Variants in USP21 observed in about 807,000 individuals in gnomAD.
The protein encoded by USP21 is ubiquitin specific peptidase 21.
A neutral mutation model predicts 70.8 loss-of-function variants in USP21; 37 were observed. The ratio of observed to expected loss-of-function variants is 0.52; its 90% CI spans 0.40 to 0.69. The LOEUF (loss-of-function observed/expected upper bound fraction) is 0.69, where lower values mean the gene tolerates loss of function less well. Ranked by LOEUF, USP21 falls within the 30% of genes least tolerant of loss-of-function variation. USP21 has a pLI of 0.00. For synonymous variants in USP21, 263 were observed against 283.1 expected, an observed-to-expected ratio of 0.93 and a Z score of 0.71; for missense variants, 584 against 740.8, an observed-to-expected ratio of 0.79 and a Z score of 2.46.
Position 161,164,852 on chromosome 1 carries a change from G to T in USP21, c.1402G>T (p.Ala468Ser), listed in dbSNP as rs1231585601. The change falls in exon 12 of 14, where the codon GCC (alanine) becomes TCC (serine). Residue 468 changes from alanine (A) to serine (S), a missense_variant. By Grantham distance (99) the Ala-to-Ser change is moderately conservative. This residue lies in a region of USP21 where 173 missense variants were observed against 268.2 expected (regional missense o/e 0.65). Coordinates refer to ENST00000368002, the MANE Select transcript of USP21 (RefSeq NM_001014443.3). The surrounding 1 kb of genome is among the most constrained non-coding windows in gnomAD (Gnocchi z 4.2). Reference protein sequence around the residue: ...ILVLHLNRFSASRGSIKKSSV... With the variant: ...ILVLHLNRFSSSRGSIKKSSV... ...GGGCTTAGATCTGAATCGATTTTCT[G>T]CCTCCCGAGGCTCCATCAAAAAAAG... is the stretch of plus-strand genomic sequence containing the variant. 5.6e-6 allele frequency: 9 copies of T among 1,613,670 alleles called. No individual in the cohort carries two copies. The Admixed American group carries it at 1.5e-4, about 27-fold the overall frequency.
At position 161,163,806 on chromosome 1, in the gene USP21, G is replaced by C. The variant is rs565690916; in HGVS notation, c.1115-72G>C. On this transcript the variant is annotated intron_variant, in intron 8 of 13. Coordinates refer to ENST00000368002, the MANE Select transcript of USP21 (RefSeq NM_001014443.3). Reference sequence around the variant, plus strand: ...AGGGTCAAGCAAAGGGGCAGGAAGAGATGGAAATCCAAGAAATCATCTCAT... The same window carrying C: ...AGGGTCAAGCAAAGGGGCAGGAAGACATGGAAATCCAAGAAATCATCTCAT... 5.2e-5 allele frequency: 77 copies of C among 1,474,114 alleles called. No individual in the cohort carries two copies. In the South Asian group the frequency reaches 8.3e-4, roughly 16 times the overall value. The allele number at this position is 1,474,114 out of a possible 1,614,324, so 91.3% of individuals were successfully genotyped here.
In USP21 at chr1:161,162,468, T is replaced by C. The variant is rs1658002999; in HGVS notation, c.781+78T>C. The C allele has an allele frequency of 3.2e-6, 5 of 1,563,244 alleles. No individual in the cohort carries two copies. Among genetic ancestry groups the C allele is most frequent in the Non-Finnish European group, 4.3e-6 (5 of 1,150,196 alleles). ...TTGCAGGTCCATCTGCCACTGGTGG[T>C]GGCCCCCAACCCTTAAATCTGGCAG... is the stretch of plus-strand genomic sequence containing the variant. On this transcript the variant is annotated intron_variant, in intron 5 of 13. Coordinates refer to ENST00000368002, the MANE Select transcript of USP21 (RefSeq NM_001014443.3). The surrounding 1 kb of genome is among the most constrained non-coding windows in gnomAD (Gnocchi z 4.1).
chr1:161,163,632 G>A lies in USP21; in HGVS notation c.1114+13G>A. 3.2e-6 allele frequency: 5 copies of A among 1,547,108 alleles called. No individual in the cohort carries two copies. Among genetic ancestry groups the A allele is most frequent in the Non-Finnish European group, 3.5e-6 (4 of 1,140,146 alleles). ...AGCAAGATTGTGGGTATGGAATGGG[G>A]CAAAGCAATGAGGGAAAATTAGTGT... On this transcript the variant is annotated intron_variant, in intron 8 of 13. Coordinates refer to ENST00000368002, the MANE Select transcript of USP21 (RefSeq NM_001014443.3).
Position 161,164,562 on chromosome 1 carries a change from G to C in USP21, c.1334G>C (p.Arg445Pro), listed in dbSNP as rs761061289. Residue 445 changes from arginine (R) to proline (P), a missense_variant, in exon 11 of 14, where the codon CGA (arginine) becomes CCA (proline). This residue lies in a region of USP21 where 173 missense variants were observed against 268.2 expected (regional missense o/e 0.65). Coordinates refer to ENST00000368002, the MANE Select transcript of USP21 (RefSeq NM_001014443.3). This position sits in a 1 kb window ranked among gnomAD's most constrained non-coding sequence, Gnocchi z 4.2. ...TGTGACCGATGTCGGCAGAAAACTCGAAGTACCAAAAAGTTGACAGTACAA... is the reference window on the plus strand; with the variant it reads ...TGTGACCGATGTCGGCAGAAAACTCCAAGTACCAAAAAGTTGACAGTACAA... ...PVCDRCRQKT[R>P]STKKLTVQRF... 3 of 1,614,022 alleles carry C rather than the reference G, an allele frequency of 1.9e-6. No homozygotes were observed. Among genetic ancestry groups the C allele is most frequent in the African/African-American group, 2.7e-5 (2 of 74,910 alleles).
At chr1:161,163,353 C>T (rs918716423) in intron 7 of USP21, among the ~76,000 whole-genome samples, 1 of 152,184 alleles carries the variant, frequency 6.6e-6, no homozygotes. Context: ...CCCTTATGTA[C>T]ATTCCTTTCT....
At position 161,162,171 on chromosome 1, in the gene USP21, G is replaced by A. The variant is rs1378554564; in HGVS notation, c.660+74G>A. On this transcript the variant is annotated intron_variant, in intron 4 of 13. Transcript: ENST00000368002. This position sits in a 1 kb window ranked among gnomAD's most constrained non-coding sequence, Gnocchi z 4.1. Reference sequence around the variant, plus strand: ...TGCTGGGGGTGGGGAAAACCCACGAGCTTGGGGAAGGCATGTGGAAGGAGA... The same window carrying A: ...TGCTGGGGGTGGGGAAAACCCACGAACTTGGGGAAGGCATGTGGAAGGAGA... 6.2e-7 allele frequency: 1 copy of A among 1,613,100 alleles called. No homozygotes were observed.
In USP21 at chr1:161,162,864, A is replaced by G; in HGVS notation, c.894-55A>G. 6.3e-7 allele frequency: 1 copy of G among 1,595,888 alleles called. No homozygotes were observed. Among genetic ancestry groups the G allele is most frequent in the African/African-American group, 1.3e-5 (1 of 74,640 alleles). ...GGGGACCAATATCTGGGCAGGGAAT[A>G]GTGTCTGTGGACTAGGAGAGGAGTC... On this transcript the variant is annotated intron_variant, in intron 6 of 13. Transcript: ENST00000368002. This position sits in a 1 kb window ranked among gnomAD's most constrained non-coding sequence, Gnocchi z 4.1.
In USP21 at chr1:161,165,575, C is replaced by T. The variant is rs1658638684; in HGVS notation, c.*128C>T. ...AGGGGGGAGGGGGTGGTTGTAGCTC[C>T]ATTATTTTTTTTATTAAAAAATACC... On this transcript the variant is annotated 3_prime_UTR_variant, in exon 14 of 14. Transcript: ENST00000368002. The T allele has an allele frequency of 1.6e-6, 1 of 627,234 alleles. No individual in the cohort carries two copies. Among genetic ancestry groups the T allele is most frequent in the Non-Finnish European group, 2.8e-6 (1 of 363,106 alleles). The allele number at this position is 627,234 out of a possible 1,614,324, so 38.9% of individuals were successfully genotyped here.
At position 161,162,615 on chromosome 1, in the gene USP21, C is replaced by G. The variant is rs896779149; in HGVS notation, c.782C>G (p.Ala261Gly). The stretch of plus-strand genomic sequence containing the variant: ...GCCTTCCCCACTCCCATCCCAACAG[C>G]CTTTGCAGATGTGATTGGTGCCCTC... ...GGGRAQELTE[A>G]FADVIGALWH... The change falls in exon 6 of 14, where the codon GCC (alanine) becomes GGC (glycine). Residue 261 changes from alanine to glycine, a missense_variant and splice_region_variant. This residue lies in a region of USP21 where 87 missense variants were observed against 162.4 expected (regional missense o/e 0.54). Transcript: ENST00000368002. This position sits in a 1 kb window ranked among gnomAD's most constrained non-coding sequence, Gnocchi z 4.1. 1.9e-6 allele frequency: 3 copies of G among 1,610,610 alleles called. No homozygotes were observed. The highest frequency in any genetic ancestry group is 1.7e-6 in the Non-Finnish European group (2 of 1,176,898).
At position 161,161,710 on chromosome 1, in the gene USP21, A is replaced by G. The variant is rs568881535; in HGVS notation, c.601-328A>G. 1.0e-4 allele frequency: 46 copies of G among 447,662 alleles called. No homozygotes were observed. Among genetic ancestry groups the G allele is most frequent in the African/African-American group, 9.0e-4 (46 of 50,928 alleles). 27.7% of individuals were successfully genotyped at this position (447,662 alleles called of 1,614,324 possible). On this transcript the variant is annotated intron_variant, in intron 3 of 13. Transcript: ENST00000368002. The surrounding 1 kb of genome is among the most constrained non-coding windows in gnomAD (Gnocchi z 4.2). ...GGGGGCAGGAGGGGGTTTTGGGGGC[A>G]GAAAGGTGGGAGTGGTGAGCAGCTG...
chr1:161,161,032 G>T lies in USP21; in HGVS notation c.392G>T (p.Gly131Val). Residue 131 changes from glycine to valine, a missense_variant, in exon 3 of 14, where the codon GGC becomes GTC. Physicochemically the swap from Gly to Val is moderately radical, Grantham distance 109. Transcript: ENST00000368002. The surrounding 1 kb of genome is among the most constrained non-coding windows in gnomAD (Gnocchi z 4.2). ...PMGIALGGHR[G>V]TGELGAALSR... The stretch of plus-strand genomic sequence containing the variant: ...GGGATTGCCTTGGGAGGGCACCGTG[G>T]CACCGGAGAGCTTGGGGCTGCACTG... 1 of 1,614,214 alleles carries T rather than the reference G, an allele frequency of 6.2e-7. No individual in the cohort carries two copies. The highest frequency in any genetic ancestry group is 2.2e-5 in the East Asian group (1 of 44,874).
chr1:161,164,867 A>G lies in USP21; in HGVS notation c.1417A>G (p.Ile473Val), dbSNP rs765296944. 1.9e-6 allele frequency: 3 copies of G among 1,613,926 alleles called. No homozygotes were observed. In the African/African-American group the frequency reaches 4.0e-5, roughly 22 times the overall value. ...LNRFSASRGS[I>V]KKSSVGVDFP... ...TCGATTTTCTGCCTCCCGAGGCTCCATCAAAAAAAGTTCAGTAGGTGTAGA... is the reference window on the plus strand; with the variant it reads ...TCGATTTTCTGCCTCCCGAGGCTCCGTCAAAAAAAGTTCAGTAGGTGTAGA... Residue 473 changes from isoleucine to valine, a missense_variant, in exon 12 of 14, where the codon ATC becomes GTC. By Grantham distance (29) the Ile-to-Val change is conservative. Transcript: ENST00000368002. This position sits in a 1 kb window ranked among gnomAD's most constrained non-coding sequence, Gnocchi z 4.2.
chr1:161,161,714 A>G lies in USP21; in HGVS notation c.601-324A>G. 1 of 453,314 alleles carries G rather than the reference A, an allele frequency of 2.2e-6. No homozygotes were observed. The highest frequency in any genetic ancestry group is 4.0e-6 in the Non-Finnish European group (1 of 249,788). 28.1% of individuals were successfully genotyped at this position (453,314 alleles called of 1,614,324 possible). On this transcript the variant is annotated intron_variant, in intron 3 of 13. Transcript: ENST00000368002. This position sits in a 1 kb window ranked among gnomAD's most constrained non-coding sequence, Gnocchi z 4.2. Reference sequence around the variant, plus strand: ...GCAGGAGGGGGTTTTGGGGGCAGAAAGGTGGGAGTGGTGAGCAGCTGGGCA... The same window carrying G: ...GCAGGAGGGGGTTTTGGGGGCAGAAGGGTGGGAGTGGTGAGCAGCTGGGCA...
Position 161,160,418 on chromosome 1 carries a change from G to A in USP21, c.-110G>A, listed in dbSNP as rs745638742. Reference sequence around the variant, plus strand: ...TAGATCTGGTTCCTGCCCTCAGTGCGTATACTGCTCCCCACTTTCGTTGAT... The same window carrying A: ...TAGATCTGGTTCCTGCCCTCAGTGCATATACTGCTCCCCACTTTCGTTGAT... On this transcript the variant is annotated 5_prime_UTR_variant, in exon 2 of 14. Coordinates refer to ENST00000368002, the MANE Select transcript of USP21 (RefSeq NM_001014443.3). 6.4e-6 allele frequency: 4 copies of A among 625,446 alleles called. No individual in the cohort carries two copies. The highest frequency in any genetic ancestry group is 2.9e-5 in the Admixed American group (1 of 35,062). The allele number at this position is 625,446 out of a possible 1,614,324, so 38.7% of individuals were successfully genotyped here.
In USP21 at chr1:161,161,209, C is replaced by A. The variant is rs377456378; in HGVS notation, c.569C>A (p.Ser190Tyr). The stretch of plus-strand genomic sequence containing the variant: ...TCCTTCCACATGATATCCGCCCGGT[C>A]CTCTGAGCCTTTCTACTCTGATGAC... ...HGSFHMISAR[S>Y]SEPFYSDDKM... Residue 190 changes from serine to tyrosine, a missense_variant, in exon 3 of 14, where the codon TCC becomes TAC. By Grantham distance (144) the Ser-to-Tyr change is moderately radical. Around this residue, in one of 4 missense-constraint regions of USP21, gnomAD observed 284 missense variants for 281.0 expected, o/e 1.01. Transcript: ENST00000368002. The surrounding 1 kb of genome is among the most constrained non-coding windows in gnomAD (Gnocchi z 4.2). 3 of 1,609,020 alleles carry A rather than the reference C, an allele frequency of 1.9e-6. No individual in the cohort carries two copies. In the African/African-American group the frequency reaches 4.0e-5, roughly 21 times the overall value.
chr1:161,164,405 C>T lies in USP21; in HGVS notation c.1306-129C>T. 1 of 1,348,888 alleles carries T rather than the reference C, an allele frequency of 7.4e-7. No homozygotes were observed. Among genetic ancestry groups the T allele is most frequent in the Non-Finnish European group, 1.0e-6 (1 of 953,390 alleles). 83.6% of individuals were successfully genotyped at this position (1,348,888 alleles called of 1,614,324 possible). A position where few individuals can be genotyped will look rare whatever the true frequency, so the allele number is the denominator to read the frequency against. ...CAGATCTGTTCTAGTACTCCTAGAG[C>T]AAAGGGGAGAAGCCAAGAGGATCCA... On this transcript the variant is annotated intron_variant, in intron 10 of 13. Coordinates refer to ENST00000368002, the MANE Select transcript of USP21 (RefSeq NM_001014443.3). The surrounding 1 kb of genome is among the most constrained non-coding windows in gnomAD (Gnocchi z 4.2).
rs554465394 is a variant in USP21, at chr1:161,161,232, G to A, written c.592G>A (p.Asp198Asn). The A allele has an allele frequency of 6.3e-6, 10 of 1,594,376 alleles. No homozygotes were observed. The highest frequency in any genetic ancestry group is 5.5e-5 in the South Asian group (5 of 90,178). ...ARSSEPFYSD[D>N]KMAHHTLLLG... ...GTCCTCTGAGCCTTTCTACTCTGAT[G>A]ACAAGATGGTGAGGACTTGCCACAC... The change falls in exon 3 of 14, where the codon GAC (aspartate) becomes AAC (asparagine). Residue 198 changes from aspartate (D) to asparagine (N), a missense_variant. Transcript: ENST00000368002. The surrounding 1 kb of genome is among the most constrained non-coding windows in gnomAD (Gnocchi z 4.2).
Position 161,161,202 on chromosome 1 carries a change from G to T in USP21, c.562G>T (p.Ala188Ser). The T allele has an allele frequency of 1.9e-6, 3 of 1,611,098 alleles. No individual in the cohort carries two copies. The highest frequency in any genetic ancestry group is 3.3e-5 in the Admixed American group (2 of 59,886). Residue 188 changes from alanine (A) to serine (S), a missense_variant, in exon 3 of 14, where the codon GCC (alanine) becomes TCC (serine). Ala to Ser is a moderately conservative substitution (Grantham distance 99). Coordinates refer to ENST00000368002, the MANE Select transcript of USP21 (RefSeq NM_001014443.3). This position sits in a 1 kb window ranked among gnomAD's most constrained non-coding sequence, Gnocchi z 4.2. The stretch of plus-strand genomic sequence containing the variant: ...CCATGGCTCCTTCCACATGATATCC[G>T]CCCGGTCCTCTGAGCCTTTCTACTC... The part of the protein sequence containing the change: ...ASHGSFHMIS[A>S]RSSEPFYSDD...
chr1:161,161,828 T>C lies in USP21; in HGVS notation c.601-210T>C. The C allele has an allele frequency of 1.7e-6, 1 of 598,620 alleles. No individual in the cohort carries two copies. Among genetic ancestry groups the C allele is most frequent in the South Asian group, 2.0e-5 (1 of 51,202 alleles). The allele number at this position is 598,620 out of a possible 1,614,324, so 37.1% of individuals were successfully genotyped here. A position where few individuals can be genotyped will look rare whatever the true frequency, so the allele number is the denominator to read the frequency against. On this transcript the variant is annotated intron_variant, in intron 3 of 13. Coordinates refer to ENST00000368002, the MANE Select transcript of USP21 (RefSeq NM_001014443.3). The surrounding 1 kb of genome is among the most constrained non-coding windows in gnomAD (Gnocchi z 4.2). Reference sequence around the variant, plus strand: ...AAGTGGGCAACAGGTGGGACAGCCATGGCTGAGTCCGTGGTACATTCAGCT... The same window carrying C: ...AAGTGGGCAACAGGTGGGACAGCCACGGCTGAGTCCGTGGTACATTCAGCT...
Sources: allele counts gnomAD v4.1 joint callset (sites outside exome capture counted in the v4.1 genomes callset), GRCh38; gene constraint gnomAD v4.1.1; regional missense constraint gnomAD v4.1.1; non-coding constraint Gnocchi (gnomAD v3.1); transcripts MANE v1.5; gene names NCBI Gene and HGNC (gene_info 2026-07-23, HGNC 2026-07-21).